PDPK1: variants seen among roughly 807,000 people sequenced by gnomAD.
The protein encoded by PDPK1 is 3-phosphoinositide dependent protein kinase 1.
In PDPK1, 7 loss-of-function variants were observed where a neutral mutation model predicts 39.8. That is an observed-to-expected ratio of 0.18 (90% confidence interval 0.10 to 0.33). PDPK1 has a LOEUF of 0.33. Among genes scored for constraint, PDPK1 ranks in the 10% least tolerant of loss-of-function variants. The pLI, the probability that PDPK1 is intolerant of heterozygous loss-of-function variation, is 1.00. For synonymous variants in PDPK1, 118 were observed against 159.1 expected, an observed-to-expected ratio of 0.74 and a Z score of 1.95; for missense variants, 182 against 384.7, an observed-to-expected ratio of 0.47 and a Z score of 4.41.
chr16:2,591,312 C>T (rs771593699), intron 11 of PDPK1, among the ~76,000 whole-genome samples: 2 of 152,158 alleles, frequency 1.3e-5, no homozygotes, highest in Admixed American at 6.5e-5. Context: ...AATTTGTCAA[C>T]GTTTGGAAGC....
chr16:2,585,169 G>A (rs1387447594), intron 10 of PDPK1, among the ~76,000 whole-genome samples: 1 of 152,222 alleles, frequency 6.6e-6, no homozygotes, highest in African/African-American at 2.4e-5. Flanking sequence ...CCGCATACCT[G>A]TGCAGGCCCC....
chr16:2,586,951 G>T, intron 11 of PDPK1, 58 bp downstream of exon 11: 1 of 1,472,044 alleles, frequency 6.8e-7, no homozygotes, highest in Non-Finnish European at 9.5e-7. Context: ...GAACACGTGG[G>T]GGCTTATGGT....
At chr16:2,596,489 C>T (rs1233125553) in intron 12 of PDPK1, among the ~76,000 whole-genome samples, 1 of 152,196 alleles carries the variant, frequency 6.6e-6, no homozygotes, top group Non-Finnish European at 1.5e-5. Context: ...CCACGGCGCC[C>T]GGCCGGGTTG....
intron 1 of PDPK1, among the ~76,000 whole-genome samples, chr16:2,541,703 C>T (rs1336485673): frequency 6.6e-6 from 1 of 152,228 alleles, no homozygotes; most frequent in African/African-American, 2.4e-5. Context: ...GGAGGAAGTG[C>T]TGCTGTGGAA....
At chr16:2,542,735 A>G (rs1404084410) in intron 1 of PDPK1, among the ~76,000 whole-genome samples, 1 of 152,234 alleles carries the variant, frequency 6.6e-6, no homozygotes, top group Admixed American at 6.5e-5. Flanking sequence ...CTGTGTTTCA[A>G]GTCAGCTTGT....
chr16:2,591,738 C>T (rs965132857), intron 11 of PDPK1, among the ~76,000 whole-genome samples: 2 of 152,074 alleles, frequency 1.3e-5, no homozygotes, highest in African/African-American at 4.8e-5. Flanking sequence ...GCCTGTGCAG[C>T]GCACAGAGTG....
chr16:2,569,835 GCTGTGCCACGCC>G (rs1567157477), intron 6 of PDPK1, among the ~76,000 whole-genome samples: 1 of 56,132 alleles, frequency 1.8e-5, no homozygotes, highest in Non-Finnish European at 3.9e-5. Context: ...CCGCGCAGCA[GCTGTGCCACGCC>G]CTCCTCCTAG....
chr16:2,585,735 C>G (rs77789551), intron 10 of PDPK1, among the ~76,000 whole-genome samples: 9 of 152,342 alleles, frequency 5.9e-5, no homozygotes, highest in African/African-American at 2.2e-4. Context: ...TCCAGCCCAG[C>G]TGGGTGCGAG....
In PDPK1 at chr16:2,546,526, G is replaced by C. The variant is rs372130201; in HGVS notation, c.24+8390G>C. ...TTTGTGTATTTTTAGTAGAGATGGG[G>C]TTTCACCATGTTGGCCAGGCTGGTC... On this transcript the variant is annotated intron_variant, in intron 1 of 13. Transcript: ENST00000342085. Among the ~76,000 whole-genome samples the C allele has an allele frequency of 5.9e-5, 9 of 152,304 alleles. No homozygotes were observed. The East Asian group carries it at 1.7e-3, about 29-fold the overall frequency.
In PDPK1 at chr16:2,599,083, C is replaced by T. The variant is rs1267801162; in HGVS notation, c.*1316C>T. On this transcript the variant is annotated 3_prime_UTR_variant, in exon 14 of 14. Transcript: ENST00000342085. ...CTTTGATGCTTTGGTGGCCTTGCCC[C>T]GCTCTGCAGCACAGACAGGCCAGAT... is the stretch of plus-strand genomic sequence containing the variant. 1.7e-5 allele frequency: 4 copies of T among 233,380 alleles called. No homozygotes were observed. The highest frequency in any genetic ancestry group is 5.6e-5 in the Admixed American group (1 of 17,794). The allele number at this position is 233,380 out of a possible 1,614,324, so 14.5% of individuals were successfully genotyped here.
intron 1 of PDPK1, among the ~76,000 whole-genome samples, chr16:2,556,355 C>G (rs1293997688): frequency 1.4e-5 from 2 of 140,712 alleles, no homozygotes; most frequent in Non-Finnish European, 3.1e-5. Context: ...TGCGCCCGGC[C>G]TATTTTTTTT....
chr16:2,544,196 C>G (rs1185118086), intron 1 of PDPK1, among the ~76,000 whole-genome samples: 1 of 152,182 alleles, frequency 6.6e-6, no homozygotes, highest in East Asian at 1.9e-4. Context: ...TGTATGTACT[C>G]TCCTGATAGG....
chr16:2,586,433 C>T (rs1476580127), intron 10 of PDPK1, among the ~76,000 whole-genome samples: 4 of 152,260 alleles, frequency 2.6e-5, no homozygotes, highest in Admixed American at 6.5e-5. Context: ...AAATCTGAGG[C>T]TTCGCCCCTC....
chr16:2,576,525 C>T (rs1346675264), intron 6 of PDPK1: 7 of 145,638 alleles, frequency 4.8e-5, no homozygotes, highest in Non-Finnish European at 7.4e-5. Context: ...GCTAGAGTAC[C>T]GTGGGGCCAT....
rs1303477373 is a variant in PDPK1, at chr16:2,599,879, C to T, written c.*2112C>T. On this transcript the variant is annotated 3_prime_UTR_variant, in exon 14 of 14. Coordinates refer to ENST00000342085, the MANE Select transcript of PDPK1 (RefSeq NM_002613.5). ...GCTTGGGGAGACTCTTCCGTGCGTTCTTCCTCTGGATAGAACCACCACCTC... is the reference window on the plus strand; with the variant it reads ...GCTTGGGGAGACTCTTCCGTGCGTTTTTCCTCTGGATAGAACCACCACCTC... 2 of 233,604 alleles carry T rather than the reference C, an allele frequency of 8.6e-6. No individual in the cohort carries two copies. The highest frequency in any genetic ancestry group is 1.7e-5 in the Non-Finnish European group (2 of 118,412). 14.5% of individuals were successfully genotyped at this position (233,604 alleles called of 1,614,324 possible).
intron 10 of PDPK1, 111 bp from the exon 11 acceptor site, chr16:2,586,565 T>C: frequency 2.3e-6 from 2 of 879,820 alleles, no homozygotes; most frequent in South Asian, 3.0e-5. Flanking sequence ...CCTTGCGCCT[T>C]GCTGTGTGCG....
chr16:2,590,502 T>C (rs2066966956), intron 11 of PDPK1, among the ~76,000 whole-genome samples: 1 of 151,806 alleles, frequency 6.6e-6, no homozygotes, highest in Non-Finnish European at 1.5e-5. Context: ...CACTCAATTC[T>C]GCCGCAAACA....
Position 2,602,260 on chromosome 16 carries a change from G to A in PDPK1, c.*4493G>A, listed in dbSNP as rs2067232585. 1 of 234,564 alleles carries A rather than the reference G, an allele frequency of 4.3e-6. No individual in the cohort carries two copies. The highest frequency in any genetic ancestry group is 1.8e-4 in the South Asian group (1 of 5,528). The allele number at this position is 234,564 out of a possible 1,614,324, so 14.5% of individuals were successfully genotyped here. ...GCAAGTGCCTGAATCGGGGCTGGAG[G>A]CACTTCAGAGCCTCTGAGGGGCCAC... On this transcript the variant is annotated 3_prime_UTR_variant, in exon 14 of 14. Transcript: ENST00000342085.
intron 7 of PDPK1, 32 bp downstream of exon 7, chr16:2,577,532 T>C (rs2066738029): frequency 8.0e-6 from 12 of 1,499,732 alleles, no homozygotes; most frequent in Non-Finnish European, 1.1e-5. Flanking sequence ...GTGCTTCCCT[T>C]TTCTTTAACA....
Sources: gnomAD v4.1 joint callset for allele counts (sites outside exome capture counted in the v4.1 genomes callset) on GRCh38, gnomAD v4.1.1 for gene constraint, MANE v1.5 for transcripts, NCBI Gene and HGNC (gene_info 2026-07-23, HGNC 2026-07-21) for gene names.